PCDHA7: variants seen among roughly 807,000 people sequenced by gnomAD.
PCDHA7 encodes the protein protocadherin alpha 7, also known as protocadherin alpha-7.
In PCDHA7, 37 loss-of-function variants were observed where a neutral mutation model predicts 57.2. The ratio of observed to expected loss-of-function variants is 0.65; its 90% confidence interval spans 0.50 to 0.85. PCDHA7 has a LOEUF of 0.85. PCDHA7 is among the 40% of genes least tolerant of loss of function. The probability of loss-of-function intolerance (pLI) is 0.00; values close to 1 mark genes in which losing one functional copy is unlikely to be tolerated. For synonymous variants in PCDHA7, 553 were observed against 558.8 expected (o/e 0.99, Z 0.15); for missense variants, 1,188 against 1,241.8 (o/e 0.96, Z 0.65).
rs782772973 is a variant in PCDHA7, at chr5:140,855,915, T to C, written c.2355+19177T>C. 2.5e-5 allele frequency: 30 copies of C among 1,191,312 alleles called. 2 individuals are homozygous for C. Among genetic ancestry groups the C allele is most frequent in the Non-Finnish European group, 3.1e-5 (26 of 850,126 alleles). 73.8% of individuals were successfully genotyped at this position (1,191,312 alleles called of 1,614,324 possible). A position where few individuals can be genotyped will look rare whatever the true frequency, so the allele number is the denominator to read the frequency against. On this transcript the variant is annotated intron_variant, in intron 1 of 3. Coordinates refer to ENST00000525929, the MANE Select transcript of PCDHA7 (RefSeq NM_018910.3). The stretch of plus-strand genomic sequence containing the variant: ...AGGCATCAGCCAGTTTCTCAAGGAC[T>C]AGGAAGTAGCGTCATTCTGAGATCT...
At chr5:140,838,077 AGTGTG>A (rs1171079264) in intron 1 of PCDHA7, among the ~76,000 whole-genome samples, 34 of 80,696 alleles carry the variant, frequency 4.2e-4, no homozygotes, top group African/African-American at 1.3e-3. Context: ...ATATATATAT[AGTGTG>A]TGTGTGTGTG....
intron 1 of PCDHA7, chr5:140,870,676 G>A (rs561705674): frequency 1.9e-6 from 3 of 1,612,702 alleles, no homozygotes; most frequent in African/African-American, 1.3e-5. Flanking sequence ...GTTGGACCAC[G>A]AGGAGCTGGA....
In PCDHA7 at chr5:140,835,902, T is replaced by A. The variant is rs1774035162; in HGVS notation, c.1519T>A (p.Tyr507Asn). 3 of 1,612,038 alleles carry A rather than the reference T, an allele frequency of 1.9e-6. No homozygotes were observed. Among genetic ancestry groups the A allele is most frequent in the Non-Finnish European group, 2.5e-6 (3 of 1,179,640 alleles). The change falls in exon 1 of 4, where the codon TAC becomes AAC. Residue 507 changes from tyrosine to asparagine, a missense_variant. By Grantham distance (143) the Tyr-to-Asn change is moderately radical. This residue lies in a region of PCDHA7 where 892 missense variants were observed against 788.5 expected (regional missense o/e 1.13). Coordinates refer to ENST00000525929, the MANE Select transcript of PCDHA7 (RefSeq NM_018910.3). ...LRVGERALSS[Y>N]VSVHAESGKV... ...GGTGGGCGAGCGCGCGCTGTCGAGC[T>A]ACGTGTCAGTGCACGCGGAGAGCGG... is the stretch of plus-strand genomic sequence containing the variant.
intron 1 of PCDHA7, chr5:140,870,883 C>T: frequency 1.9e-6 from 3 of 1,613,920 alleles, no homozygotes; most frequent in Middle Eastern, 1.6e-4. Flanking sequence ...GGCGAAGGTG[C>T]GCGCAGTGGA....
At chr5:140,918,515 T>C (rs1000500676) in intron 1 of PCDHA7, among the ~76,000 whole-genome samples, 1 of 152,224 alleles carries the variant, frequency 6.6e-6, no homozygotes, top group African/African-American at 2.4e-5. Flanking sequence ...TTTAAACTTA[T>C]TGAGGATTGT....
chr5:140,914,318 T>C (rs2076678777), intron 1 of PCDHA7, among the ~76,000 whole-genome samples: 6 of 152,216 alleles, frequency 3.9e-5, no homozygotes, highest in Admixed American at 3.9e-4. Flanking sequence ...CCCATTATCA[T>C]TGTACAAAGA....
chr5:140,858,871 T>A (rs1000901337), intron 1 of PCDHA7: 6 of 248,826 alleles, frequency 2.4e-5, no homozygotes, highest in African/African-American at 1.2e-4. Context: ...TGAAAATGTG[T>A]TTTCCTCCAT....
intron 1 of PCDHA7, among the ~76,000 whole-genome samples, chr5:140,917,340 T>TG (rs2078149834): frequency 7.5e-6 from 1 of 132,986 alleles, no homozygotes; most frequent in Non-Finnish European, 1.6e-5. Context: ...AGGGGGGGGA[T>TG]GGTGTAGGCT....
At chr5:140,915,273 A>C (rs2077054431) in intron 1 of PCDHA7, among the ~76,000 whole-genome samples, 1 of 152,090 alleles carries the variant, frequency 6.6e-6, no homozygotes, top group South Asian at 2.1e-4. Flanking sequence ...TGACCAGTTC[A>C]TCATTTACTC....
chr5:140,901,493 G>A (rs1407022584), intron 1 of PCDHA7, among the ~76,000 whole-genome samples: 7 of 152,016 alleles, frequency 4.6e-5, no homozygotes, highest in Admixed American at 3.9e-4. Flanking sequence ...CACCTTCATC[G>A]AAAATGAGTT....
At chr5:140,926,611 A>G in intron 1 of PCDHA7, 1 of 348,974 alleles carries the variant, frequency 2.9e-6, no homozygotes, top group Non-Finnish European at 5.1e-6. Context: ...TCGTCTCTGC[A>G]CCCCTAGGCG....
At chr5:140,907,381 G>T (rs2073350294) in intron 1 of PCDHA7, among the ~76,000 whole-genome samples, 1 of 152,180 alleles carries the variant, frequency 6.6e-6, no homozygotes, top group African/African-American at 2.4e-5. Context: ...TGAGTGCCTT[G>T]GTCAAAGGCA....
intron 1 of PCDHA7, chr5:140,883,268 T>G: frequency 6.2e-7 from 1 of 1,614,030 alleles, no homozygotes; most frequent in Non-Finnish European, 8.5e-7. Flanking sequence ...GGCGGGTCAT[T>G]GTACCCTTTT....
intron 3 of PCDHA7, among the ~76,000 whole-genome samples, chr5:140,999,965 T>C (rs1439660759): frequency 1.3e-5 from 2 of 151,684 alleles, no homozygotes; most frequent in African/African-American, 4.8e-5. Flanking sequence ...TACCCAGGAG[T>C]AGCAGCTCTA....
chr5:140,905,327 T>G (rs1446614190), intron 1 of PCDHA7, among the ~76,000 whole-genome samples: 1 of 152,202 alleles, frequency 6.6e-6, no homozygotes, highest in Non-Finnish European at 1.5e-5. Flanking sequence ...TATGCTTTGT[T>G]GAAGATCAGT....
intron 1 of PCDHA7, chr5:140,843,908 G>T: frequency 1.6e-6 from 1 of 638,262 alleles, no homozygotes. Context: ...TCCACAAGTT[G>T]GGTCTATCTT....
chr5:140,943,491 G>A (rs1387185924), intron 1 of PCDHA7, among the ~76,000 whole-genome samples: 4 of 151,986 alleles, frequency 2.6e-5, no homozygotes, highest in Non-Finnish European at 5.9e-5. Context: ...ATAAATAGAT[G>A]CTATCAAGGT....
At chr5:140,939,350 A>G (rs2153641006) in intron 1 of PCDHA7, among the ~76,000 whole-genome samples, 1 of 152,266 alleles carries the variant, frequency 6.6e-6, no homozygotes, top group East Asian at 1.9e-4. Context: ...ATTTCAACTT[A>G]TGATTGCAAA....
chr5:140,986,018 C>T (rs943946792), intron 3 of PCDHA7, among the ~76,000 whole-genome samples: 2 of 152,110 alleles, frequency 1.3e-5, no homozygotes, highest in African/African-American at 2.4e-5. Flanking sequence ...GGATTACAGG[C>T]GTGAGCCACT....
Sources: gnomAD v4.1 joint callset for allele counts (sites outside exome capture counted in the v4.1 genomes callset) on GRCh38, gnomAD v4.1.1 for gene constraint, gnomAD v4.1.1 regional missense constraint, MANE v1.5 for transcripts, NCBI Gene and HGNC (gene_info 2026-07-23, HGNC 2026-07-21) for gene names.